RIT2: variants seen among roughly 807,000 people sequenced by gnomAD.
RIT2 encodes the protein GTP-binding protein Rit2.
Under a neutral mutation model 23.7 loss-of-function variants are expected in RIT2, and 24 were observed. That is an observed-to-expected ratio of 1.01 (90% CI 0.73 to 1.43). The LOEUF is 1.43. Among genes scored for constraint, RIT2 ranks in the 40% most tolerant of loss-of-function variants. RIT2 has a pLI of 0.00. For synonymous variants in RIT2, 107 were observed against 91.1 expected, an observed-to-expected ratio of 1.17 and a Z score of -0.99; for missense variants, 236 against 266.9, an observed-to-expected ratio of 0.88 and a Z score of 0.81.
At chr18:42,925,322 C>T (rs2144136673) in intron 3 of RIT2, among the ~76,000 whole-genome samples, 1 of 152,092 alleles carries the variant, frequency 6.6e-6, no homozygotes, top group East Asian at 1.9e-4. Context: ...ATCAAAACCC[C>T]ATAATTGACA....
At chr18:43,080,007 A>C (rs1023227857) in intron 1 of RIT2, among the ~76,000 whole-genome samples, 1 of 152,188 alleles carries the variant, frequency 6.6e-6, no homozygotes, top group African/African-American at 2.4e-5. Flanking sequence ...GATGTTCGTT[A>C]ATTTTTGTAT....
intron 4 of RIT2, among the ~76,000 whole-genome samples, chr18:42,868,169 C>T (rs1370656966): frequency 6.6e-6 from 1 of 152,186 alleles, no homozygotes; most frequent in African/African-American, 2.4e-5. Context: ...TCCACACATT[C>T]TTTTTTAACT....
chr18:43,064,685 C>T (rs1912729621), intron 1 of RIT2, among the ~76,000 whole-genome samples: 1 of 152,092 alleles, frequency 6.6e-6, no homozygotes, highest in African/African-American at 2.4e-5. Flanking sequence ...TATAAGGACA[C>T]TTTTCAAAAT....
At chr18:42,756,010 A>C (rs1913154742) in intron 4 of RIT2, among the ~76,000 whole-genome samples, 2 of 152,118 alleles carry the variant, frequency 1.3e-5, no homozygotes, top group South Asian at 4.1e-4. Context: ...AGTCTCGGTA[A>C]AGGGACTAAG....
intron 4 of RIT2, among the ~76,000 whole-genome samples, chr18:42,867,793 C>G (rs1345133044): frequency 6.6e-6 from 1 of 152,106 alleles, no homozygotes; most frequent in African/African-American, 2.4e-5. Context: ...CACCCCAACT[C>G]TAAGGGAAAA....
chr18:43,113,460 A>G (rs1448787549), intron 1 of RIT2, among the ~76,000 whole-genome samples: 3 of 152,144 alleles, frequency 2.0e-5, no homozygotes, highest in Non-Finnish European at 4.4e-5. Flanking sequence ...TTAATTATGA[A>G]TTGACTTCTA....
intron 1 of RIT2, among the ~76,000 whole-genome samples, chr18:43,046,237 T>A (rs1912243747): frequency 6.6e-6 from 1 of 152,112 alleles, no homozygotes; most frequent in Admixed American, 6.5e-5. Context: ...TCTGTTCAAA[T>A]GAAAAAAGAT....
chr18:43,011,613 A>T (rs1268609930), intron 2 of RIT2, among the ~76,000 whole-genome samples: 1 of 151,830 alleles, frequency 6.6e-6, no homozygotes, highest in Non-Finnish European at 1.5e-5. Context: ...TTTTATCCTG[A>T]AAATAAAATA....
At chr18:42,881,736 T>C (rs1397820628) in intron 4 of RIT2, among the ~76,000 whole-genome samples, 2 of 152,236 alleles carry the variant, frequency 1.3e-5, no homozygotes, top group African/African-American at 4.8e-5. Flanking sequence ...CCCTCTTCTG[T>C]GCTTCCTAGT....
chr18:43,057,382 C>T (rs750206639), intron 1 of RIT2, among the ~76,000 whole-genome samples: 2 of 152,120 alleles, frequency 1.3e-5, no homozygotes, highest in African/African-American at 2.4e-5. Context: ...AGGGCCAGTG[C>T]CATAAACCTG....
intron 1 of RIT2, among the ~76,000 whole-genome samples, chr18:43,054,622 T>C (rs558710647): frequency 1.3e-5 from 2 of 152,224 alleles, no homozygotes; most frequent in East Asian, 3.9e-4. Context: ...ATAGCTCTTT[T>C]CAAATCCTTA....
chr18:42,993,801 C>T (rs954780067), intron 2 of RIT2, among the ~76,000 whole-genome samples: 11 of 152,126 alleles, frequency 7.2e-5, no homozygotes, highest in Middle Eastern at 3.4e-3. Flanking sequence ...CCCTCCTTGG[C>T]GATCGATCAT....
At chr18:42,789,149 G>A (rs186906036) in intron 4 of RIT2, among the ~76,000 whole-genome samples, 4 of 152,254 alleles carry the variant, frequency 2.6e-5, no homozygotes, top group African/African-American at 9.6e-5. Flanking sequence ...CACTATGTTT[G>A]TTCATTCTAA....
chr18:43,044,445 A>G (rs892804316), intron 1 of RIT2, among the ~76,000 whole-genome samples: 1 of 152,210 alleles, frequency 6.6e-6, no homozygotes, highest in East Asian at 1.9e-4. Flanking sequence ...ATAATTCAGC[A>G]TATTTATATT....
chr18:42,768,692 G>C (rs991235890), intron 4 of RIT2, among the ~76,000 whole-genome samples: 2 of 151,846 alleles, frequency 1.3e-5, no homozygotes, highest in Non-Finnish European at 2.9e-5. Flanking sequence ...CCATTTCCTA[G>C]CTGGATACTA....
intron 4 of RIT2, among the ~76,000 whole-genome samples, chr18:42,773,156 TTATGTG>T (rs58071678): frequency 0.65 from 97,807 of 151,322 alleles, 35,512 homozygotes; most frequent in Middle Eastern, 0.83. Flanking sequence ...TAATAAATAT[TTATGTG>T]TATGTAAATA....
At chr18:43,102,445 CTTTTTTTTTTTTT>C (rs200839354) in intron 1 of RIT2, among the ~76,000 whole-genome samples, 2 of 109,960 alleles carry the variant, frequency 1.8e-5, no homozygotes, top group East Asian at 2.3e-4. Flanking sequence ...TCAGGAAACC[CTTTTTTTTTTTTT>C]TTTTTTTTTT....
chr18:42,792,561 A>G (rs1914067583), intron 4 of RIT2, among the ~76,000 whole-genome samples: 1 of 152,136 alleles, frequency 6.6e-6, no homozygotes, highest in Non-Finnish European at 1.5e-5. Context: ...GAGCATTTTC[A>G]TATTCATTCT....
At chr18:43,102,919 G>T (rs749441863) in intron 1 of RIT2, among the ~76,000 whole-genome samples, 4 of 152,118 alleles carry the variant, frequency 2.6e-5, no homozygotes, top group Non-Finnish European at 5.9e-5. Context: ...CTCCCAAAGC[G>T]CTGGGATTAT....
Sources: allele counts gnomAD v4.1 joint callset (sites outside exome capture counted in the v4.1 genomes callset), GRCh38; gene constraint gnomAD v4.1.1; transcripts MANE v1.5; gene names NCBI Gene and HGNC (gene_info 2026-07-23, HGNC 2026-07-21).